HK1: variants seen among roughly 807,000 people sequenced by gnomAD.
HK1 encodes the protein hexokinase-1.
In HK1, 28 loss-of-function variants were observed where a neutral mutation model predicts 91.6. That is an observed-to-expected ratio of 0.31 (90% CI 0.23 to 0.42). HK1 has a LOEUF of 0.42. HK1 is among the 10% of genes least tolerant of loss of function. The pLI is 1.00. For synonymous variants in HK1, 430 were observed against 468.1 expected (o/e 0.92, Z 1.05); for missense variants, 770 against 1,219.8 (o/e 0.63, Z 5.49).
intron 7 of HK1, among the ~76,000 whole-genome samples, chr10:69,374,774 C>T (rs765059987): frequency 3.3e-5 from 5 of 152,178 alleles, no homozygotes; most frequent in Admixed American, 2.6e-4. Flanking sequence ...TTGTTCTGGG[C>T]GTCTTTAGAA....
At chr10:69,304,555 G>T (rs10998705) in intron 5 of HK1, among the ~76,000 whole-genome samples, 1 of 152,120 alleles carries the variant, frequency 6.6e-6, no homozygotes, top group Non-Finnish European at 1.5e-5. Flanking sequence ...TGATCCGCTC[G>T]CCTTGGCCTC....
intron 3 of HK1, 46 bp from the exon 4 acceptor site, chr10:69,364,737 C>T (rs1338045981): frequency 6.2e-7 from 1 of 1,612,722 alleles, no homozygotes; most frequent in Non-Finnish European, 8.5e-7. Context: ...CTATGAAATG[C>T]TAAGCCTGCT....
chr10:69,316,087 G>C, upstream of HK1: 1 of 1,236,748 alleles, frequency 8.1e-7, no homozygotes, highest in Non-Finnish European at 1.2e-6. Flanking sequence ...TCAGGCAGAG[G>C]TGAGTGGAGA....
At position 69,385,067 on chromosome 10, in the gene HK1, C is replaced by T. The variant is rs182313008; in HGVS notation, c.1839+152C>T. 220 of 833,152 alleles carry T rather than the reference C, an allele frequency of 2.6e-4. 1 individual carries two copies. Among genetic ancestry groups the T allele is most frequent in the Admixed American group, 3.9e-4 (21 of 53,234 alleles). The allele number at this position is 833,152 out of a possible 1,614,324, so 51.6% of individuals were successfully genotyped here. A position where few individuals can be genotyped will look rare whatever the true frequency, so the allele number is the denominator to read the frequency against. On this transcript the variant is annotated intron_variant, in intron 12 of 17. Transcript: ENST00000359426. ...GTTGAGCCAGGCTTTATTTCACAGC[C>T]TGCAGGGCATACTGAGACTCTTCTC...
intron 4 of HK1, among the ~76,000 whole-genome samples, chr10:69,299,678 T>C (rs1020221604): frequency 6.6e-6 from 1 of 150,986 alleles, no homozygotes; most frequent in East Asian, 1.9e-4. Flanking sequence ...TTGTGTTTTT[T>C]TGAGATGGAG....
intron 1 of HK1, among the ~76,000 whole-genome samples, chr10:69,336,010 TTATG>T (rs1359061964): frequency 6.6e-6 from 1 of 152,182 alleles, no homozygotes; most frequent in African/African-American, 2.4e-5. Flanking sequence ...ATCCATCTCT[TTATG>T]TATGAGTGTT....
At chr10:69,400,887 CG>C in intron 17 of HK1, 103 bp from the exon 18 acceptor site, 1 of 1,228,600 alleles carries the variant, frequency 8.1e-7, no homozygotes, top group Admixed American at 1.7e-5. Context: ...AATCCTAAGT[CG>C]AATCATCACC....
upstream of HK1, among the ~76,000 whole-genome samples, chr10:69,311,097 T>C (rs1475142730): frequency 2.7e-5 from 4 of 150,634 alleles, no homozygotes; most frequent in African/African-American, 9.8e-5. Context: ...GAGACCAAGG[T>C]TTTATACAGA....
At position 69,279,884 on chromosome 10, in the gene HK1, T is replaced by C. The variant is rs150703900; in HGVS notation, c.-390-2645T>C. 3.0e-3 allele frequency among the ~76,000 whole-genome samples: 464 copies of C among 152,316 alleles called. 2 individuals are homozygous for C. The highest frequency in any genetic ancestry group is 0.011 in the African/African-American group (441 of 41,570). ...AGCTGGAGAGCACATGTGCTTGAAG[T>C]TTCTTTCACCTTCACTCTTGCTTTA... On this transcript the variant is annotated intron_variant, in intron 1 of 21. Transcript: ENST00000360289.
At chr10:69,289,793 T>A (rs12219469) in intron 3 of HK1, among the ~76,000 whole-genome samples, 50 of 105,442 alleles carry the variant, frequency 4.7e-4, no homozygotes, top group Admixed American at 3.9e-3. Flanking sequence ...TTTTTTTTTT[T>A]AAATTTTAAC....
rs919008434 is a variant in HK1, at chr10:69,369,825, A to G, written c.875+201A>G. On this transcript the variant is annotated intron_variant, in intron 7 of 17. Coordinates refer to ENST00000359426, the MANE Select transcript of HK1 (RefSeq NM_000188.3). The surrounding 1 kb of genome is among the most constrained non-coding windows in gnomAD (Gnocchi z 4.4). The stretch of plus-strand genomic sequence containing the variant: ...TCAATCTCAGCTCATTGCAACCTCC[A>G]CCTCCTGGGTTCAAGCGATTCTCCT... Among the ~76,000 whole-genome samples, 35 of 151,924 alleles carry G rather than the reference A, an allele frequency of 2.3e-4. No homozygotes were observed. The highest frequency in any genetic ancestry group is 4.0e-4 in the Non-Finnish European group (27 of 67,980).
rs1402363386 is a variant in HK1, at chr10:69,380,996, T to G, written c.1265+901T>G. On this transcript the variant is annotated intron_variant, in intron 9 of 17. Coordinates refer to ENST00000359426, the MANE Select transcript of HK1 (RefSeq NM_000188.3). The surrounding 1 kb of genome is among the most constrained non-coding windows in gnomAD (Gnocchi z 4.0). The stretch of plus-strand genomic sequence containing the variant: ...CCAGTTCTGTTGATGGCTCAAAGAA[T>G]GTCGACTTCAATTGAAATAGTTCTG... 6.6e-6 allele frequency among the ~76,000 whole-genome samples: 1 copy of G among 152,194 alleles called. No homozygotes were observed. Among genetic ancestry groups the G allele is most frequent in the Non-Finnish European group, 1.5e-5 (1 of 68,040 alleles).
chr10:69,360,906 G>A (rs914114235), intron 3 of HK1, among the ~76,000 whole-genome samples: 1 of 152,236 alleles, frequency 6.6e-6, no homozygotes, highest in African/African-American at 2.4e-5. Flanking sequence ...AGTTGTGGCT[G>A]CTGTCCAGCA....
At chr10:69,336,024 T>A in intron 1 of HK1, among the ~76,000 whole-genome samples, 1 of 152,174 alleles carries the variant, frequency 6.6e-6, no homozygotes, top group East Asian at 1.9e-4. Flanking sequence ...GTATGAGTGT[T>A]TGTTTAGGGA....
At position 69,401,330 on chromosome 10, in the gene HK1, C is replaced by G. The variant is rs977684875; in HGVS notation, c.*195C>G. Reference sequence around the variant, plus strand: ...TGTGCTGTTGATAATATCTCTCACCCGGATCCCTCCTCACTTGCCCTGCCA... The same window carrying G: ...TGTGCTGTTGATAATATCTCTCACCGGGATCCCTCCTCACTTGCCCTGCCA... On this transcript the variant is annotated 3_prime_UTR_variant, in exon 18 of 18. Transcript: ENST00000359426. 1.5e-6 allele frequency: 1 copy of G among 649,954 alleles called. No individual in the cohort carries two copies. Among genetic ancestry groups the G allele is most frequent in the Non-Finnish European group, 2.7e-6 (1 of 375,634 alleles). The allele number at this position is 649,954 out of a possible 1,614,324, so 40.3% of individuals were successfully genotyped here. A position where few individuals can be genotyped will look rare whatever the true frequency, so the allele number is the denominator to read the frequency against.
At chr10:69,293,083 C>T (rs893543772) in intron 3 of HK1, among the ~76,000 whole-genome samples, 2 of 152,228 alleles carry the variant, frequency 1.3e-5, no homozygotes, top group Non-Finnish European at 2.9e-5. Context: ...ACTCCCAACA[C>T]TCATTTCTGG....
At chr10:69,395,264 A>C (rs1840083482) in intron 16 of HK1, among the ~76,000 whole-genome samples, 159 bp downstream of exon 16, 1 of 152,100 alleles carries the variant, frequency 6.6e-6, no homozygotes, top group Non-Finnish European at 1.5e-5. Flanking sequence ...GCATAGTGAA[A>C]TCTTATAATT....
At position 69,378,810 on chromosome 10, in the gene HK1, C is replaced by G. The variant is rs149613087; in HGVS notation, c.1032-1052C>G. On this transcript the variant is annotated intron_variant, in intron 8 of 17. Coordinates refer to ENST00000359426, the MANE Select transcript of HK1 (RefSeq NM_000188.3). The stretch of plus-strand genomic sequence containing the variant: ...TTGGTCAGGTAGAATTGGGAAAGTC[C>G]CACACTCTCCTATTCTCGTATTACC... Among the ~76,000 whole-genome samples, 904 of 152,236 alleles carry G rather than the reference C, an allele frequency of 5.9e-3. 8 individuals are homozygous for G. The highest frequency in any genetic ancestry group is 0.021 in the African/African-American group (855 of 41,542).
intron 7 of HK1, among the ~76,000 whole-genome samples, chr10:69,374,732 T>G (rs1838998835): frequency 6.6e-6 from 1 of 152,142 alleles, no homozygotes; most frequent in Non-Finnish European, 1.5e-5. Context: ...ACTATCCATG[T>G]GTGTAATAGG....
Sources: allele counts gnomAD v4.1 joint callset (sites outside exome capture counted in the v4.1 genomes callset), GRCh38; gene constraint gnomAD v4.1.1; non-coding constraint Gnocchi (gnomAD v3.1); transcripts MANE v1.5; gene names NCBI Gene and HGNC (gene_info 2026-07-23, HGNC 2026-07-21).